The following PTPRK variants were observed in gnomAD, a reference collection of about 807,000 sequenced individuals.
The protein encoded by PTPRK is protein tyrosine phosphatase receptor type K.
Under a neutral mutation model 178.0 loss-of-function variants are expected in PTPRK, and 75 were observed. The observed-to-expected ratio is 0.42, with a 90% CI of 0.35 to 0.51. The LOEUF is 0.51. Ranked by LOEUF, PTPRK falls within the 20% of genes least tolerant of loss-of-function variation. The pLI, the probability that PTPRK is intolerant of heterozygous loss-of-function variation, is 0.02. For synonymous variants in PTPRK, 637 were observed against 620.6 expected (o/e 1.03, Z -0.39); for missense variants, 1,441 against 1,797.8 (o/e 0.80, Z 3.59).
intron 1 of PTPRK, among the ~76,000 whole-genome samples, chr6:128,408,496 G>C (rs1315176263): frequency 6.6e-6 from 1 of 152,160 alleles, no homozygotes; most frequent in African/African-American, 2.4e-5. Context: ...TGAAGAGTTT[G>C]TCTATATCAT....
At chr6:128,357,614 T>C (rs1834133094) in intron 2 of PTPRK, among the ~76,000 whole-genome samples, 1 of 152,216 alleles carries the variant, frequency 6.6e-6, no homozygotes, top group Admixed American at 6.5e-5. Context: ...CCTCAGTCTA[T>C]TTATATTTAT....
intron 7 of PTPRK, among the ~76,000 whole-genome samples, chr6:128,115,559 T>C (rs1222648613): frequency 6.6e-6 from 1 of 151,688 alleles, no homozygotes; most frequent in Non-Finnish European, 1.5e-5. Flanking sequence ...CATATAAGAG[T>C]AATTAAGGGA....
At chr6:128,351,511 C>G (rs1044357161) in intron 2 of PTPRK, among the ~76,000 whole-genome samples, 2 of 152,108 alleles carry the variant, frequency 1.3e-5, no homozygotes, top group Non-Finnish European at 2.9e-5. Context: ...GTAATTTTCA[C>G]AAGTAAATTG....
At position 128,134,283 on chromosome 6, in the gene PTPRK, G is replaced by A. The variant is rs552996876; in HGVS notation, c.1163-44291C>T. On this transcript the variant is annotated intron_variant, in intron 7 of 29. Coordinates refer to ENST00000368226, the MANE Select transcript of PTPRK (RefSeq NM_002844.4). ...TGTCTTATCTCTTGTCTCAGAGCCC[G>A]TATTTTTTGAATTCTACTGATGATA... Among the ~76,000 whole-genome samples the A allele has an allele frequency of 7.2e-5, 11 of 152,162 alleles. No homozygotes were observed. The South Asian group carries it at 1.2e-3, about 17-fold the overall frequency.
intron 11 of PTPRK, among the ~76,000 whole-genome samples, chr6:128,076,736 T>A (rs943231835): frequency 6.6e-6 from 1 of 152,008 alleles, no homozygotes; most frequent in Non-Finnish European, 1.5e-5. Context: ...AGAAATTATA[T>A]AAAGGTAATA....
At chr6:128,060,827 C>A (rs941675805) in intron 13 of PTPRK, among the ~76,000 whole-genome samples, 1 of 151,336 alleles carries the variant, frequency 6.6e-6, no homozygotes, top group African/African-American at 2.4e-5. Context: ...AAATATATAT[C>A]ACAATATAAA....
intron 25 of PTPRK, among the ~76,000 whole-genome samples, chr6:127,979,727 C>T (rs1330916032): frequency 6.6e-6 from 1 of 152,086 alleles, no homozygotes; most frequent in Non-Finnish European, 1.5e-5. Flanking sequence ...TTAACAGGAA[C>T]AATAACTTAG....
chr6:128,312,477 G>T (rs575603975), intron 3 of PTPRK, among the ~76,000 whole-genome samples: 1 of 152,112 alleles, frequency 6.6e-6, no homozygotes, highest in South Asian at 2.1e-4. Context: ...AAACTGCTTC[G>T]GAGGTCTTCA....
intron 3 of PTPRK, among the ~76,000 whole-genome samples, chr6:128,305,006 TA>T (rs1307534202): frequency 2.0e-5 from 3 of 151,776 alleles, no homozygotes; most frequent in African/African-American, 7.2e-5. Context: ...CCATATTTCT[TA>T]AATAATTTTT....
chr6:128,341,754 G>A (rs1445664238), intron 2 of PTPRK, among the ~76,000 whole-genome samples: 2 of 152,176 alleles, frequency 1.3e-5, no homozygotes, highest in Non-Finnish European at 2.9e-5. Context: ...AGAAAGCTTA[G>A]TATCTCATTT....
chr6:128,463,501 A>G (rs1388787098), intron 1 of PTPRK, among the ~76,000 whole-genome samples: 1 of 152,130 alleles, frequency 6.6e-6, no homozygotes, highest in African/African-American at 2.4e-5. Context: ...TTGATGCCAC[A>G]TCTATCCAAC....
At chr6:128,335,729 C>T (rs1321134129) in intron 2 of PTPRK, among the ~76,000 whole-genome samples, 2 of 151,838 alleles carry the variant, frequency 1.3e-5, no homozygotes, top group Non-Finnish European at 2.9e-5. Context: ...GAGACTGTTG[C>T]TTTTGGTCAC....
intron 1 of PTPRK, among the ~76,000 whole-genome samples, chr6:128,435,733 A>T (rs1845506226): frequency 6.6e-6 from 1 of 152,232 alleles, no homozygotes; most frequent in Non-Finnish European, 1.5e-5. Context: ...AAAGGGCAGG[A>T]GAGCAAGGCA....
At chr6:128,149,608 A>C (rs1796984426) in intron 7 of PTPRK, among the ~76,000 whole-genome samples, 1 of 152,184 alleles carries the variant, frequency 6.6e-6, no homozygotes, top group Admixed American at 6.5e-5. Context: ...TGGGCTTAAT[A>C]ATACATACAT....
At chr6:128,000,309 C>T (rs1777668793) in intron 15 of PTPRK, 1 of 1,299,544 alleles carries the variant, frequency 7.7e-7, no homozygotes. Flanking sequence ...ATTGTTGTCC[C>T]CATGATAAAC....
intron 7 of PTPRK, among the ~76,000 whole-genome samples, chr6:128,177,798 G>A (rs975211431): frequency 1.1e-4 from 16 of 151,644 alleles, no homozygotes; most frequent in African/African-American, 3.6e-4. Context: ...GAATGTATAG[G>A]TGTTGATTAC....
intron 3 of PTPRK, among the ~76,000 whole-genome samples, chr6:128,305,901 G>A (rs1475330421): frequency 6.6e-6 from 1 of 152,182 alleles, no homozygotes; most frequent in Non-Finnish European, 1.5e-5. Context: ...GCATTAGTTT[G>A]TTCTAACACA....
At chr6:128,388,850 A>C (rs1461728108) in intron 2 of PTPRK, among the ~76,000 whole-genome samples, 1 of 152,174 alleles carries the variant, frequency 6.6e-6, no homozygotes, top group Non-Finnish European at 1.5e-5. Context: ...AGTAAGTCTG[A>C]CCTAACATGG....
chr6:128,359,554 C>T (rs1192200633), intron 2 of PTPRK, among the ~76,000 whole-genome samples: 2 of 151,850 alleles, frequency 1.3e-5, no homozygotes, highest in African/African-American at 4.8e-5. Flanking sequence ...GAGCCCGGGG[C>T]CAGCCTAACC....
Sources: gnomAD v4.1 joint callset for allele counts (sites outside exome capture counted in the v4.1 genomes callset) on GRCh38, gnomAD v4.1.1 for gene constraint, MANE v1.5 for transcripts, NCBI Gene and HGNC (gene_info 2026-07-23, HGNC 2026-07-21) for gene names.